Variants in PCDH15 observed in about 807,000 individuals in gnomAD.
The protein encoded by PCDH15 is protocadherin related 15.
In PCDH15, 129 loss-of-function variants were observed where a neutral mutation model predicts 178.5. That is an observed-to-expected ratio of 0.72 (90% CI 0.63 to 0.84). PCDH15 has a LOEUF of 0.84. Ranked by LOEUF, PCDH15 falls within the 40% of genes least tolerant of loss-of-function variation. The pLI is 0.00. For missense variants in PCDH15, 2,230 were observed against 2,099.9 expected (o/e 1.06, Z -1.21); for synonymous variants, 800 against 732.0 (o/e 1.09, Z -1.50).
chr10:55,323,410 A>C (rs1843954492), upstream of PCDH15, among the ~76,000 whole-genome samples: 1 of 152,178 alleles, frequency 6.6e-6, no homozygotes, highest in African/African-American at 2.4e-5. Context: ...GTGCTTGGAA[A>C]AGCCAGAGAC....
chr10:55,387,178 T>C (rs1320812837), intron 2 of PCDH15, among the ~76,000 whole-genome samples: 3 of 152,216 alleles, frequency 2.0e-5, no homozygotes, highest in South Asian at 2.1e-4. Flanking sequence ...CTAACAAATA[T>C]GATCCAAGAC....
rs781603185 is a variant in PCDH15 at position 53,866,767 on chromosome 10, C to T, written c.3592G>A (p.Glu1198Lys). The T allele has an allele frequency of 9.9e-6, 16 of 1,613,090 alleles. No homozygotes were observed. The African/African-American group carries it at 2.1e-4, about 22-fold the overall frequency. The change falls in exon 27 of 38, where the codon GAA becomes AAA. Residue 1198 changes from glutamate to lysine, a missense_variant. Transcript: ENST00000644397. ...IKEGKEGFVV[E>K]TYTGLIKTAM... ...GTTTTGATAAGCCCTGTATATGTTTCCACTACAAATCCTTCTTTTCCCTCT... is the reference window on the plus strand; with the variant it reads ...GTTTTGATAAGCCCTGTATATGTTTTCACTACAAATCCTTCTTTTCCCTCT...
chr10:53,934,980 C>G (rs1202797384), intron 25 of PCDH15, among the ~76,000 whole-genome samples: 1 of 149,560 alleles, frequency 6.7e-6, no homozygotes. Flanking sequence ...CTAAATGAGA[C>G]TTGAACAGTT....
intron 26 of PCDH15, among the ~76,000 whole-genome samples, chr10:53,890,839 T>C (rs2926410): frequency 0.66 from 100,978 of 152,044 alleles, 34,252 homozygotes; most frequent in East Asian, 0.88. Flanking sequence ...AACTAACCAG[T>C]GCAAATTGTA....
In PCDH15 at chr10:54,884,860, T is replaced by G. The variant is rs1311238855; in HGVS notation, c.-29+12590A>C. Among the ~76,000 whole-genome samples the G allele has an allele frequency of 1.1e-4, 17 of 152,220 alleles. No homozygotes were observed. In the South Asian group the frequency reaches 3.5e-3, roughly 32 times the overall value. On this transcript the variant is annotated intron_variant, in intron 3 of 5. Transcript: ENST00000458638. ...TATTTTACTATTTTCCATTTCAATGTTTTAAAAAATACATTAAATTGAGTC... is the reference window on the plus strand; with the variant it reads ...TATTTTACTATTTTCCATTTCAATGGTTTAAAAAATACATTAAATTGAGTC...
intron 3 of PCDH15, among the ~76,000 whole-genome samples, chr10:54,873,247 C>A (rs184454506): frequency 1.3e-5 from 2 of 151,934 alleles, no homozygotes; most frequent in African/African-American, 2.4e-5. Flanking sequence ...GGTATATTAT[C>A]CCTAACAAGG....
At chr10:55,306,346 C>T (rs188954899) in intron 1 of PCDH15, among the ~76,000 whole-genome samples, 12 of 152,290 alleles carry the variant, frequency 7.9e-5, no homozygotes, top group Non-Finnish European at 1.2e-4. Context: ...TTGGGCTTTG[C>T]GATGAAATGT....
In PCDH15 at chr10:55,082,877, G is replaced by A. The variant is rs1357190109; in HGVS notation, c.-80+83699C>T. ...AATCCAAAACCTTAATAGGCCAATA[G>A]CAAGTAATGAGATCAAAGCCATAAT... On this transcript the variant is annotated intron_variant, in intron 2 of 5. Coordinates refer to the PCDH15 transcript ENST00000458638. 2.0e-5 allele frequency among the ~76,000 whole-genome samples: 3 copies of A among 151,838 alleles called. No individual in the cohort carries two copies. The East Asian group carries it at 5.8e-4, about 29-fold the overall frequency.
chr10:55,520,766 ATC>A, intron 2 of PCDH15, among the ~76,000 whole-genome samples: 1 of 151,838 alleles, frequency 6.6e-6, no homozygotes. Context: ...TAAGAGATAT[ATC>A]TCTCTGATTA....
At chr10:54,352,437 T>C (rs1944327279) in intron 5 of PCDH15, among the ~76,000 whole-genome samples, 1 of 152,190 alleles carries the variant, frequency 6.6e-6, no homozygotes, top group Admixed American at 6.5e-5. Context: ...GATGAGATTT[T>C]ACTTTTTCCC....
intron 15 of PCDH15, among the ~76,000 whole-genome samples, chr10:54,110,908 G>A (rs547901749): frequency 1.1e-3 from 173 of 152,164 alleles, no homozygotes; most frequent in African/African-American, 4.0e-3. Context: ...CTCTTCCAAT[G>A]TAAATATTCT....
At chr10:54,984,307 G>A (rs1477028367) in intron 2 of PCDH15, among the ~76,000 whole-genome samples, 2 of 152,106 alleles carry the variant, frequency 1.3e-5, no homozygotes, top group East Asian at 1.9e-4. Context: ...CTCTCCCCAC[G>A]CAAGTCATAA....
In PCDH15 at chr10:53,985,686, A is replaced by G. The variant is rs1589770385; in HGVS notation, c.2868+9963T>C. On this transcript the variant is annotated intron_variant, in intron 21 of 37. Coordinates refer to ENST00000644397, the MANE Select transcript of PCDH15 (RefSeq NM_001384140.1). ...AAAAATTGTCATGGTCATGTTTCAG[A>G]GGCATAGCACCTTCCTGACTCCCTA... Among the ~76,000 whole-genome samples the G allele has an allele frequency of 3.3e-5, 5 of 152,190 alleles. No individual in the cohort carries two copies. The South Asian group carries it at 1.0e-3, about 32-fold the overall frequency.
intron 28 of PCDH15, among the ~76,000 whole-genome samples, chr10:53,850,793 A>G (rs1447626685): frequency 6.6e-6 from 1 of 152,054 alleles, no homozygotes; most frequent in Non-Finnish European, 1.5e-5. Context: ...AATATCTTCA[A>G]CTCCAACTAT....
intron 2 of PCDH15, among the ~76,000 whole-genome samples, chr10:55,580,459 G>T (rs1370520305): frequency 1.3e-5 from 2 of 151,082 alleles, no homozygotes; most frequent in African/African-American, 4.9e-5. Context: ...CTGGGTTCAA[G>T]CAATTCTCCT....
intron 15 of PCDH15, among the ~76,000 whole-genome samples, chr10:54,122,874 TAA>T (rs34113865): frequency 0.013 from 1,863 of 143,620 alleles, 17 homozygotes; most frequent in Non-Finnish European, 0.02. Context: ...AAAACACTGC[TAA>T]AAAAAAAAAA....
chr10:54,316,154 G>GT lies in PCDH15; in HGVS notation c.876+1116dup, dbSNP rs770056341. On this transcript the variant is annotated intron_variant, in intron 8 of 37. Coordinates refer to ENST00000644397, the MANE Select transcript of PCDH15 (RefSeq NM_001384140.1). Reference sequence around the variant, plus strand: ...TAACTATTTATTTTTCTCTCCAGCTGTTTTTTTTATTCATGCAAGTTAACT... The same window carrying GT: ...TAACTATTTATTTTTCTCTCCAGCTGTTTTTTTTTATTCATGCAAGTTAACT... Among the ~76,000 whole-genome samples, 8 of 151,686 alleles carry GT rather than the reference G, an allele frequency of 5.3e-5. No homozygotes were observed. The East Asian group carries it at 5.8e-4, about 11-fold the overall frequency.
chr10:54,642,591 A>T (rs2094017111), intron 2 of PCDH15, among the ~76,000 whole-genome samples: 1 of 152,164 alleles, frequency 6.6e-6, no homozygotes, highest in Non-Finnish European at 1.5e-5. Flanking sequence ...ATATCAGCAT[A>T]TTATATGTGC....
chr10:54,320,445 G>A (rs1179975552), intron 7 of PCDH15, among the ~76,000 whole-genome samples: 1 of 151,990 alleles, frequency 6.6e-6, no homozygotes, highest in Non-Finnish European at 1.5e-5. Context: ...CAGTTGAAAA[G>A]TAGAGTAGGA....
Sources: gnomAD v4.1 joint callset for allele counts (sites outside exome capture counted in the v4.1 genomes callset) on GRCh38, gnomAD v4.1.1 for gene constraint, MANE v1.5 for transcripts, NCBI Gene and HGNC (gene_info 2026-07-23, HGNC 2026-07-21) for gene names.